Variants in TIMP2 observed in about 807,000 individuals in gnomAD.
TIMP2 encodes the protein metalloproteinase inhibitor 2.
In TIMP2, 5 loss-of-function variants were observed where a neutral mutation model predicts 24.3. The ratio of observed to expected loss-of-function variants is 0.21; its 90% confidence interval spans 0.11 to 0.43. The LOEUF is 0.43. Among genes scored for constraint, TIMP2 ranks in the 20% least tolerant of loss-of-function variants. The pLI, the probability that TIMP2 is intolerant of heterozygous loss-of-function variation, is 1.00. For synonymous variants in TIMP2, 130 were observed against 123.2 expected, an observed-to-expected ratio of 1.06 and a Z score of -0.37; for missense variants, 221 against 297.5, an observed-to-expected ratio of 0.74 and a Z score of 1.89.
chr17:78,884,990 G>C (rs577518656), intron 1 of TIMP2, among the ~76,000 whole-genome samples: 2 of 152,182 alleles, frequency 1.3e-5, no homozygotes, highest in South Asian at 4.1e-4. Context: ...CCAGCAGGTT[G>C]GGGGGGAGCA....
chr17:78,892,015 G>A, intron 1 of TIMP2: 1 of 1,550,672 alleles, frequency 6.4e-7, no homozygotes, highest in South Asian at 1.2e-5. Flanking sequence ...TGGCCCTCGG[G>A]GGCCTGGCTG....
Position 78,891,458 on chromosome 17 carries a change from A to G in TIMP2, c.131-17539T>C, listed in dbSNP as rs751185493. On this transcript the variant is annotated intron_variant, in intron 1 of 4. Coordinates refer to ENST00000262768, the MANE Select transcript of TIMP2 (RefSeq NM_003255.5). The surrounding 1 kb of genome is among the most constrained non-coding windows in gnomAD (Gnocchi z 4.5). Reference sequence around the variant, plus strand: ...TTTTTTCAGCTTTCTGTTTATATTAAACAACTCTTCAAAGGCCAACTCCAG... The same window carrying G: ...TTTTTTCAGCTTTCTGTTTATATTAGACAACTCTTCAAAGGCCAACTCCAG... 1 of 1,550,952 alleles carries G rather than the reference A, an allele frequency of 6.4e-7. No homozygotes were observed. The highest frequency in any genetic ancestry group is 1.2e-5 in the South Asian group (1 of 84,058).
chr17:78,916,132 A>G (rs1314934165), intron 1 of TIMP2, among the ~76,000 whole-genome samples: 1 of 152,116 alleles, frequency 6.6e-6, no homozygotes. Context: ...ATGCAGAAAG[A>G]GCTGGTGTCC....
chr17:78,858,695 T>C (rs933335667), intron 3 of TIMP2, among the ~76,000 whole-genome samples: 1 of 152,116 alleles, frequency 6.6e-6, no homozygotes, highest in African/African-American at 2.4e-5. Flanking sequence ...TAATTTTTTA[T>C]ATTTTTTTTT....
intron 1 of TIMP2, among the ~76,000 whole-genome samples, chr17:78,878,166 C>T (rs560789720): frequency 1.3e-5 from 2 of 152,284 alleles, no homozygotes; most frequent in Non-Finnish European, 2.9e-5. Flanking sequence ...ATGCTGTTCT[C>T]TTACAAAAAC....
chr17:78,892,128 C>A (rs542640508), intron 1 of TIMP2: 2 of 1,550,900 alleles, frequency 1.3e-6, no homozygotes, highest in African/African-American at 1.4e-5. Flanking sequence ...AGGCCACCGA[C>A]GTGCAGGTGC....
At chr17:78,907,433 G>A (rs868510485) in intron 1 of TIMP2, among the ~76,000 whole-genome samples, 8 of 152,148 alleles carry the variant, frequency 5.3e-5, no homozygotes, top group South Asian at 2.1e-4. Flanking sequence ...GCCGCCAGTC[G>A]GCCAGTTGGT....
intron 1 of TIMP2, chr17:78,901,818 C>A (rs1482474129): frequency 1.4e-6 from 1 of 715,824 alleles, no homozygotes; most frequent in Admixed American, 2.0e-5. Context: ...GCTAGACCAC[C>A]CAGAACACAT....
chr17:78,893,375 G>C (rs73395170), intron 1 of TIMP2, among the ~76,000 whole-genome samples: 7,754 of 139,376 alleles, frequency 0.056, 1,070 homozygotes, highest in African/African-American at 0.21. Context: ...GTGTGTAGGA[G>C]TGTGTGTGCA....
chr17:78,923,102 G>A (rs1462810239), intron 1 of TIMP2, among the ~76,000 whole-genome samples: 1 of 152,120 alleles, frequency 6.6e-6, no homozygotes, highest in Non-Finnish European at 1.5e-5. Flanking sequence ...TGCAACTCTG[G>A]CATCTGACTG....
At position 78,855,717 on chromosome 17, in the gene TIMP2, G is replaced by A. The variant is rs774322385; in HGVS notation, c.613C>T (p.Arg205Cys). ...TCCTGCTTGGGGGGCGCCGCGCCGCGGTACCACGCACAGGAGCCGTCACTT... is the reference window on the plus strand; with the variant it reads ...TCCTGCTTGGGGGGCGCCGCGCCGCAGTACCACGCACAGGAGCCGTCACTT... ...KRSDGSCAWY[R>C]GAAPPKQEFL... Residue 205 changes from arginine (R) to cysteine (C), a missense_variant, in exon 5 of 5, where the codon CGC becomes TGC. By Grantham distance (180) the Arg-to-Cys change is radical. Coordinates refer to ENST00000262768, the MANE Select transcript of TIMP2 (RefSeq NM_003255.5). This position sits in a 1 kb window ranked among gnomAD's most constrained non-coding sequence, Gnocchi z 6.0. 4 of 1,614,102 alleles carry A rather than the reference G, an allele frequency of 2.5e-6. No homozygotes were observed. Among genetic ancestry groups the A allele is most frequent in the Non-Finnish European group, 2.5e-6 (3 of 1,180,042 alleles).
intron 1 of TIMP2, among the ~76,000 whole-genome samples, chr17:78,923,710 C>T (rs765052006): frequency 2.0e-5 from 3 of 152,182 alleles, no homozygotes; most frequent in South Asian, 2.1e-4. Flanking sequence ...CCAAGCCTTC[C>T]GCCCAGGTGG....
intron 1 of TIMP2, chr17:78,890,676 C>A: frequency 1.3e-6 from 2 of 1,550,506 alleles, no homozygotes; most frequent in Non-Finnish European, 1.7e-6. Context: ...CATTTCCGGG[C>A]TTCTTCAAGA....
At chr17:78,902,081 G>A (rs1046868079) in intron 1 of TIMP2, among the ~76,000 whole-genome samples, 8 of 152,308 alleles carry the variant, frequency 5.3e-5, no homozygotes, top group African/African-American at 9.6e-5. Flanking sequence ...TCTTAGCCAC[G>A]TCCCAGTGGT....
chr17:78,885,220 C>A (rs557792895), intron 1 of TIMP2, among the ~76,000 whole-genome samples: 14 of 152,150 alleles, frequency 9.2e-5, no homozygotes, highest in Admixed American at 6.5e-4. Context: ...AAGATGGGGC[C>A]GGAGGACGAA....
Position 78,891,960 on chromosome 17 carries a change from C to T in TIMP2, c.131-18041G>A, listed in dbSNP as rs1391065049. 1.3e-6 allele frequency: 2 copies of T among 1,550,584 alleles called. No homozygotes were observed. The highest frequency in any genetic ancestry group is 2.4e-5 in the East Asian group (1 of 40,912). Reference sequence around the variant, plus strand: ...CTGGGGTGTTGCTGGCCCAACTCTTCCCTGCAACTCCTCTCTTCACTAAGG... The same window carrying T: ...CTGGGGTGTTGCTGGCCCAACTCTTTCCTGCAACTCCTCTCTTCACTAAGG... On this transcript the variant is annotated intron_variant, in intron 1 of 4. Coordinates refer to ENST00000262768, the MANE Select transcript of TIMP2 (RefSeq NM_003255.5). The surrounding 1 kb of genome is among the most constrained non-coding windows in gnomAD (Gnocchi z 4.5).
intron 1 of TIMP2, among the ~76,000 whole-genome samples, chr17:78,917,251 C>CAAAA (rs10592875): frequency 9.0e-5 from 7 of 77,428 alleles, no homozygotes; most frequent in Non-Finnish European, 1.2e-4. Flanking sequence ...GACTCCGTCT[C>CAAAA]AAAAAAAAAA....
At chr17:78,881,971 CT>C (rs869119686) in intron 1 of TIMP2, among the ~76,000 whole-genome samples, 60 of 8,380 alleles carry the variant, frequency 7.2e-3, no homozygotes, top group African/African-American at 0.021. Context: ...TCCATATCCT[CT>C]TTTTTTTTTG....
rs535301830 is a variant in TIMP2, at chr17:78,889,776, G to T, written c.131-15857C>A. Among the ~76,000 whole-genome samples the T allele has an allele frequency of 2.0e-5, 3 of 152,114 alleles. 1 individual carries two copies. Among genetic ancestry groups the T allele is most frequent in the South Asian group, 2.1e-4 (1 of 4,814 alleles). The stretch of plus-strand genomic sequence containing the variant: ...TAGACACACCCACTGAAACCCACAC[G>T]GGTTCCTATTTTTGTATATAGGTGG... On this transcript the variant is annotated intron_variant, in intron 1 of 4. Coordinates refer to ENST00000262768, the MANE Select transcript of TIMP2 (RefSeq NM_003255.5).
Sources: allele counts gnomAD v4.1 joint callset (sites outside exome capture counted in the v4.1 genomes callset), GRCh38; gene constraint gnomAD v4.1.1; non-coding constraint Gnocchi (gnomAD v3.1); transcripts MANE v1.5; gene names NCBI Gene and HGNC (gene_info 2026-07-23, HGNC 2026-07-21).